NXPE2: variants seen among roughly 807,000 people sequenced by gnomAD.
NXPE2 encodes the protein neurexophilin and PC-esterase domain family member 2.
NXPE2 carries 34 observed loss-of-function variants against 34.4 expected under a neutral mutation model. That is an observed-to-expected ratio of 0.99 (90% CI 0.75 to 1.31). NXPE2 has a LOEUF of 1.31. Among genes scored for constraint, NXPE2 ranks in the 40% most tolerant of loss-of-function variants. The pLI is 0.00. For synonymous variants in NXPE2, 235 were observed against 231.3 expected, an observed-to-expected ratio of 1.02 and a Z score of -0.15; for missense variants, 649 against 672.5, an observed-to-expected ratio of 0.97 and a Z score of 0.39.
chr11:114,478,714 G>C, the NXPE2 span, among the ~76,000 whole-genome samples: 53 of 152,230 alleles, frequency 3.5e-4, 1 homozygote, highest in Admixed American at 2.6e-3. Flanking sequence ...CCCTTTCTTG[G>C]TTTATTCACT....
the NXPE2 span, among the ~76,000 whole-genome samples, chr11:114,566,956 A>T: frequency 6.6e-6 from 1 of 152,192 alleles, no homozygotes. Flanking sequence ...AATCATGGAC[A>T]GAAGTGCCTT....
chr11:114,487,241 T>C, the NXPE2 span, among the ~76,000 whole-genome samples: 3 of 152,278 alleles, frequency 2.0e-5, no homozygotes, highest in South Asian at 6.2e-4. Flanking sequence ...AGGTATTTAA[T>C]TTTATTTATA....
At chr11:114,572,448 C>T in the NXPE2 span, among the ~76,000 whole-genome samples, 2 of 151,722 alleles carry the variant, frequency 1.3e-5, no homozygotes, top group African/African-American at 4.8e-5. Context: ...AGGTGAAGTC[C>T]AACTTAAATT....
chr11:114,519,136 G>A, the NXPE2 span, among the ~76,000 whole-genome samples: 1 of 152,128 alleles, frequency 6.6e-6, no homozygotes. Flanking sequence ...CGTTTTATGA[G>A]CCTTTTATAT....
At chr11:114,687,567 T>G (rs959428884) in intron 2 of NXPE2, among the ~76,000 whole-genome samples, 1 of 152,088 alleles carries the variant, frequency 6.6e-6, no homozygotes, top group African/African-American at 2.4e-5. Flanking sequence ...GCTGTATTCT[T>G]TTTTGCTTAG....
At chr11:114,627,283 C>T in the NXPE2 span, among the ~76,000 whole-genome samples, 3 of 152,014 alleles carry the variant, frequency 2.0e-5, no homozygotes, top group East Asian at 5.8e-4. Context: ...GGTCGGGTTA[C>T]CCTCAAAGGG....
chr11:114,626,635 G>A, the NXPE2 span, among the ~76,000 whole-genome samples: 14 of 152,212 alleles, frequency 9.2e-5, no homozygotes, highest in Non-Finnish European at 1.0e-4. Flanking sequence ...CCAAAGGAAC[G>A]CAGTTCCTCA....
At chr11:114,809,553 G>A in the NXPE2 span, among the ~76,000 whole-genome samples, 4 of 7,790 alleles carry the variant, frequency 5.1e-4, no homozygotes, top group African/African-American at 6.1e-4. Flanking sequence ...ACCAATAACA[G>A]ACAGAGAGCC....
the NXPE2 span, among the ~76,000 whole-genome samples, chr11:114,719,168 G>A: frequency 6.6e-6 from 1 of 152,092 alleles, no homozygotes; most frequent in Admixed American, 6.5e-5. Flanking sequence ...CATGTTAGAT[G>A]TCGTGTAGTC....
At chr11:114,617,786 G>T in the NXPE2 span, among the ~76,000 whole-genome samples, 3 of 152,232 alleles carry the variant, frequency 2.0e-5, no homozygotes, top group African/African-American at 7.2e-5. Context: ...TGCCTTGTGG[G>T]TAAGCACGGT....
chr11:114,677,974 A>G (rs539194215), upstream of NXPE2, among the ~76,000 whole-genome samples: 11 of 152,192 alleles, frequency 7.2e-5, no homozygotes, highest in Admixed American at 5.2e-4. Context: ...TACATATTCA[A>G]GTTGCAGTGA....
chr11:114,589,857 A>G, the NXPE2 span, among the ~76,000 whole-genome samples: 1 of 152,162 alleles, frequency 6.6e-6, no homozygotes, highest in East Asian at 1.9e-4. Context: ...GAGCACAAAA[A>G]CCCAATGCAG....
At chr11:114,543,579 A>G in the NXPE2 span, among the ~76,000 whole-genome samples, 4 of 152,016 alleles carry the variant, frequency 2.6e-5, no homozygotes, top group Non-Finnish European at 5.9e-5. Flanking sequence ...GGCTTACATA[A>G]GAGACATACT....
chr11:114,674,991 G>A (rs1194799759), upstream of NXPE2, among the ~76,000 whole-genome samples: 2 of 151,766 alleles, frequency 1.3e-5, no homozygotes, highest in African/African-American at 4.8e-5. Context: ...TGCAAGGATG[G>A]TTCAACATAC....
the NXPE2 span, among the ~76,000 whole-genome samples, chr11:114,619,087 G>C: frequency 6.6e-6 from 1 of 151,438 alleles, no homozygotes; most frequent in South Asian, 2.1e-4. Context: ...TTGCATCATG[G>C]GTAACCACTG....
At chr11:114,675,085 G>A (rs1432497576), upstream of NXPE2, among the ~76,000 whole-genome samples, 2 of 151,590 alleles carry the variant, frequency 1.3e-5, no homozygotes, top group Admixed American at 1.3e-4. Context: ...AAAAGGATTT[G>A]ACAATATTCA....
chr11:114,765,806 T>C, the NXPE2 span, among the ~76,000 whole-genome samples: 11 of 152,206 alleles, frequency 7.2e-5, no homozygotes, highest in Non-Finnish European at 1.5e-4. Flanking sequence ...CTTGTGAGGA[T>C]TCTCCAAGGA....
the NXPE2 span, among the ~76,000 whole-genome samples, chr11:114,765,166 C>T: frequency 6.6e-6 from 1 of 152,216 alleles, no homozygotes; most frequent in East Asian, 1.9e-4. Flanking sequence ...ACTCTTTAAG[C>T]TGATGGCCTT....
At chr11:114,589,799 A>G in the NXPE2 span, among the ~76,000 whole-genome samples, 1 of 152,176 alleles carries the variant, frequency 6.6e-6, no homozygotes, top group Admixed American at 6.5e-5. Context: ...CTGAAGATGC[A>G]GGGCCTCCTT....
Sources: gnomAD v4.1 joint callset for allele counts (sites outside exome capture counted in the v4.1 genomes callset) on GRCh38, gnomAD v4.1.1 for gene constraint, MANE v1.5 for transcripts, NCBI Gene and HGNC (gene_info 2026-07-23, HGNC 2026-07-21) for gene names.